The following TRPC4 variants were observed in gnomAD, a reference collection of about 807,000 sequenced individuals.
TRPC4 encodes short transient receptor potential channel 4.
A neutral mutation model predicts 99.4 loss-of-function variants in TRPC4; 49 were observed. The ratio of observed to expected loss-of-function variants is 0.49; its 90% confidence interval spans 0.39 to 0.63. The LOEUF is 0.63. TRPC4 is among the 20% of genes least tolerant of loss of function. The pLI, the probability that TRPC4 is intolerant of heterozygous loss-of-function variation, is 0.00. For synonymous variants in TRPC4, 454 were observed against 425.9 expected (o/e 1.07, Z -0.81); for missense variants, 898 against 1,152.9 (o/e 0.78, Z 3.20).
intron 7 of TRPC4, among the ~76,000 whole-genome samples, chr13:37,654,813 A>G (rs1382653306): frequency 6.6e-6 from 1 of 152,170 alleles, no homozygotes; most frequent in African/African-American, 2.4e-5. Flanking sequence ...TTTATTAGTC[A>G]GACCTCAGCT....
chr13:37,836,302 C>T (rs1250920098), intron 1 of TRPC4, among the ~76,000 whole-genome samples: 4 of 152,082 alleles, frequency 2.6e-5, no homozygotes, highest in Non-Finnish European at 2.9e-5. Flanking sequence ...CTGCTGAAAA[C>T]GTACTTGAAA....
chr13:37,669,363 C>A (rs976344724), intron 5 of TRPC4, among the ~76,000 whole-genome samples: 5 of 152,126 alleles, frequency 3.3e-5, no homozygotes, highest in Admixed American at 1.3e-4. Context: ...CAGGCATCAA[C>A]AAACTCCAGA....
intron 1 of TRPC4, among the ~76,000 whole-genome samples, chr13:37,807,860 T>C (rs1957568621): frequency 2.6e-5 from 4 of 152,122 alleles, no homozygotes. Flanking sequence ...AGATCTTCCA[T>C]TAAAGATATA....
chr13:37,761,216 G>C (rs1956214641), intron 2 of TRPC4, among the ~76,000 whole-genome samples: 1 of 151,768 alleles, frequency 6.6e-6, no homozygotes, highest in African/African-American at 2.4e-5. Context: ...CCCTGTGTGG[G>C]GAGCTTGTTA....
intron 8 of TRPC4, among the ~76,000 whole-genome samples, chr13:37,639,678 A>AT (rs1251339948): frequency 2.0e-5 from 3 of 151,650 alleles, no homozygotes; most frequent in Admixed American, 2.0e-4. Flanking sequence ...ACATGGCAAG[A>AT]TTAAGAAGTT....
chr13:37,653,026 C>T (rs1016793741), intron 7 of TRPC4, among the ~76,000 whole-genome samples: 6 of 152,138 alleles, frequency 3.9e-5, no homozygotes, highest in Non-Finnish European at 7.4e-5. Context: ...ATCCTCTCTC[C>T]TTAGAAGCCT....
intron 1 of TRPC4, among the ~76,000 whole-genome samples, chr13:37,785,211 GATTGCCCCCATTTTTT>G (rs1004441364): frequency 2.6e-5 from 4 of 151,986 alleles, no homozygotes; most frequent in African/African-American, 9.7e-5. Context: ...ATCTGATCCT[GATTGCCCCCATTTTTT>G]GCATCAGTGA....
intron 1 of TRPC4, among the ~76,000 whole-genome samples, chr13:37,806,808 C>T (rs1957539137): frequency 6.6e-6 from 1 of 152,000 alleles, no homozygotes. Flanking sequence ...GAAGAAAGAT[C>T]ACATTCTACT....
chr13:37,653,039 T>A (rs1457753063), intron 7 of TRPC4, among the ~76,000 whole-genome samples: 4 of 152,160 alleles, frequency 2.6e-5, no homozygotes, highest in Admixed American at 2.6e-4. Flanking sequence ...AGAAGCCTGT[T>A]CTGCCTCCCA....
chr13:37,706,272 C>G (rs575274078), intron 3 of TRPC4, among the ~76,000 whole-genome samples: 1 of 152,218 alleles, frequency 6.6e-6, no homozygotes, highest in East Asian at 1.9e-4. Flanking sequence ...ACAGAAAACC[C>G]TGGTTGAAGT....
chr13:37,635,079 A>G lies in TRPC4; in HGVS notation c.*1824T>C, dbSNP rs1053303628. Among the ~76,000 whole-genome samples, 1 of 152,164 alleles carries G rather than the reference A, an allele frequency of 6.6e-6. No individual in the cohort carries two copies. The highest frequency in any genetic ancestry group is 2.4e-5 in the African/African-American group (1 of 41,450). ...CTAACTTTAATGTAATTTAGTCTAAAGAATCAAATACAGCACATTTTATAT... is the reference window on the plus strand; with the variant it reads ...CTAACTTTAATGTAATTTAGTCTAAGGAATCAAATACAGCACATTTTATAT... On this transcript the variant is annotated 3_prime_UTR_variant, in exon 11 of 11. Transcript: ENST00000379705.
chr13:37,843,371 A>C (rs1475899576), intron 1 of TRPC4, among the ~76,000 whole-genome samples: 1 of 152,216 alleles, frequency 6.6e-6, no homozygotes, highest in Non-Finnish European at 1.5e-5. Flanking sequence ...GAGCTCCTTA[A>C]ACTTCACATG....
intron 3 of TRPC4, among the ~76,000 whole-genome samples, chr13:37,729,693 A>G (rs1188429685): frequency 2.0e-5 from 3 of 152,124 alleles, no homozygotes; most frequent in African/African-American, 7.2e-5. Context: ...AACAACACAG[A>G]TGAACTTTGA....
chr13:37,632,588 A>G lies in TRPC4; in HGVS notation c.*4315T>C, dbSNP rs1951419563. ...GCAGAGACGTCTTCACTGTCAGCCT[A>G]GTAACGGTGTGACTGTATCCAGGCT... is the stretch of plus-strand genomic sequence containing the variant. On this transcript the variant is annotated 3_prime_UTR_variant, in exon 11 of 11. Coordinates refer to ENST00000379705, the MANE Select transcript of TRPC4 (RefSeq NM_016179.4). Among the ~76,000 whole-genome samples, 1 of 152,174 alleles carries G rather than the reference A, an allele frequency of 6.6e-6. No homozygotes were observed. Among genetic ancestry groups the G allele is most frequent in the South Asian group, 2.1e-4 (1 of 4,830 alleles).
intron 3 of TRPC4, among the ~76,000 whole-genome samples, chr13:37,713,371 T>C (rs1056934516): frequency 6.6e-6 from 1 of 152,230 alleles, no homozygotes; most frequent in African/African-American, 2.4e-5. Context: ...TAATCCTGGT[T>C]TAATCAACCT....
At chr13:37,642,265 GCT>G (rs1466269158) in intron 8 of TRPC4, among the ~76,000 whole-genome samples, 2 of 152,156 alleles carry the variant, frequency 1.3e-5, no homozygotes, top group East Asian at 3.9e-4. Context: ...TTGAATTTTT[GCT>G]ATGACCCTAA....
chr13:37,686,760 A>T (rs1232678173), intron 4 of TRPC4, among the ~76,000 whole-genome samples: 1 of 151,862 alleles, frequency 6.6e-6, no homozygotes, highest in Non-Finnish European at 1.5e-5. Context: ...CAGAGCTTAG[A>T]CCTCCTCCTA....
intron 3 of TRPC4, among the ~76,000 whole-genome samples, chr13:37,743,469 C>T (rs1181111849): frequency 6.6e-6 from 1 of 151,968 alleles, no homozygotes; most frequent in Non-Finnish European, 1.5e-5. Context: ...TACAGAAGAA[C>T]ATAAGCAAAG....
intron 4 of TRPC4, among the ~76,000 whole-genome samples, chr13:37,686,815 T>C (rs1465070744): frequency 6.6e-6 from 1 of 152,196 alleles, no homozygotes; most frequent in African/African-American, 2.4e-5. Context: ...ATGCTCAGTG[T>C]GCATAGATTT....
Sources: allele counts gnomAD v4.1 joint callset (sites outside exome capture counted in the v4.1 genomes callset), GRCh38; gene constraint gnomAD v4.1.1; transcripts MANE v1.5; gene names NCBI Gene and HGNC (gene_info 2026-07-23, HGNC 2026-07-21).